Variants in TOP3A observed in about 807,000 individuals in gnomAD.
TOP3A encodes the protein DNA topoisomerase III alpha.
A neutral mutation model predicts 111.3 loss-of-function variants in TOP3A; 64 were observed. The observed-to-expected ratio is 0.57, with a 90% CI of 0.47 to 0.71. The LOEUF (loss-of-function observed/expected upper bound fraction) is 0.71, where lower values mean the gene tolerates loss of function less well. Among genes scored for constraint, TOP3A ranks in the 30% least tolerant of loss-of-function variants. TOP3A has a pLI of 0.00. For synonymous variants in TOP3A, 484 were observed against 485.1 expected, an observed-to-expected ratio of 1.00 and a Z score of 0.03; for missense variants, 1,104 against 1,285.0, an observed-to-expected ratio of 0.86 and a Z score of 2.15.
intron 11 of TOP3A, 77 bp from the exon 12 acceptor site, chr17:18,291,104 G>C: frequency 6.8e-7 from 1 of 1,470,260 alleles, no homozygotes; most frequent in Admixed American, 1.9e-5. Context: ...GGTAGCCTTA[G>C]CCTAATGTCC....
chr17:18,307,775 TG>T (rs1359926539), intron 3 of TOP3A, among the ~76,000 whole-genome samples: 1 of 151,266 alleles, frequency 6.6e-6, no homozygotes, highest in African/African-American at 2.4e-5. Flanking sequence ...CTGGGTGTAG[TG>T]GCACATGGCT....
rs1253662848 is a variant in TOP3A, at chr17:18,272,546, A to G, written c.*2256T>C. Among the ~76,000 whole-genome samples the G allele has an allele frequency of 2.0e-5, 3 of 152,260 alleles. 1 individual carries two copies. Among genetic ancestry groups the G allele is most frequent in the South Asian group, 4.1e-4 (2 of 4,832 alleles). On this transcript the variant is annotated 3_prime_UTR_variant, in exon 19 of 19. Coordinates refer to ENST00000321105, the MANE Select transcript of TOP3A (RefSeq NM_004618.5). ...CCAATGTCCATCAACTGACAAATGG[A>G]TAATCGTGTGGTATATTCATACAGT...
chr17:18,273,611 A>G lies in TOP3A; in HGVS notation c.*1191T>C, dbSNP rs757425452. Among the ~76,000 whole-genome samples, 3 of 152,112 alleles carry G rather than the reference A, an allele frequency of 2.0e-5. No individual in the cohort carries two copies. The highest frequency in any genetic ancestry group is 4.4e-5 in the Non-Finnish European group (3 of 68,026). On this transcript the variant is annotated 3_prime_UTR_variant, in exon 19 of 19. Transcript: ENST00000321105. The stretch of plus-strand genomic sequence containing the variant: ...CCTCTGCACTCTCGCAGGTCAGAGT[A>G]AAAAAAGGTTGGATTCTTTCATTTT...
chr17:18,290,310 C>T (rs1259597219), intron 13 of TOP3A, among the ~76,000 whole-genome samples: 1 of 152,218 alleles, frequency 6.6e-6, no homozygotes, highest in Non-Finnish European at 1.5e-5. Flanking sequence ...GTCTCTGTTA[C>T]TATGTGGACA....
At chr17:18,308,266 A>C in intron 3 of TOP3A, 85 bp downstream of exon 3, 16 of 534,728 alleles carry the variant, frequency 3.0e-5, no homozygotes, top group East Asian at 4.1e-5. Context: ...AAAATTACCC[A>C]GTAAGATCAA....
In TOP3A at chr17:18,302,692, T is replaced by G; in HGVS notation, c.531A>C (p.Arg177=). The part of the protein sequence containing the change: ...VKPNLQVLRA[R]FSEITPHAVR... ...CGGCATGGGGTGTGATCTCAGAGAA[T>G]CGGGCTCGCAACACCTGCAGATTGG... The change falls in exon 6 of 19, where the codon CGA becomes CGC. Residue 177 remains arginine (R), a synonymous_variant. Coordinates refer to ENST00000321105, the MANE Select transcript of TOP3A (RefSeq NM_004618.5). The G allele has an allele frequency of 6.2e-7, 1 of 1,614,030 alleles. No individual in the cohort carries two copies. The highest frequency in any genetic ancestry group is 8.5e-7 in the Non-Finnish European group (1 of 1,179,962).
chr17:18,299,695 A>G, intron 8 of TOP3A, 62 bp from the exon 9 acceptor site: 2 of 1,472,854 alleles, frequency 1.4e-6, no homozygotes, highest in South Asian at 2.3e-5. Context: ...CATCCTTCCT[A>G]TGGATAGCCC....
chr17:18,274,949 G>T lies in TOP3A; in HGVS notation c.2859C>A (p.Asp953Glu). Residue 953 changes from aspartate (D) to glutamate (E), a missense_variant, in exon 19 of 19, where the codon GAC (aspartate) becomes GAA (glutamate). Coordinates refer to ENST00000321105, the MANE Select transcript of TOP3A (RefSeq NM_004618.5). ...CTTCCGACTCCAGGGTTCTTCCTCT[G>T]TCTCCTGTCCAGGACGGGGCTCCAG... is the stretch of plus-strand genomic sequence containing the variant. ...GTSGAPSWTG[D>E]RGRTLESEAR... 2.5e-6 allele frequency: 4 copies of T among 1,614,098 alleles called. No individual in the cohort carries two copies. The highest frequency in any genetic ancestry group is 3.4e-6 in the Non-Finnish European group (4 of 1,180,014).
chr17:18,298,430 G>C (rs1309512122), intron 9 of TOP3A, among the ~76,000 whole-genome samples: 5 of 142,212 alleles, frequency 3.5e-5, no homozygotes, highest in South Asian at 2.2e-4. Flanking sequence ...GGAGGGAGGT[G>C]GGGGGGTCAG....
At chr17:18,309,082 T>A in intron 1 of TOP3A, 141 bp from the exon 2 acceptor site, 2 of 477,822 alleles carry the variant, frequency 4.2e-6, no homozygotes, top group Non-Finnish European at 7.3e-6. Flanking sequence ...CCAAAGAAGA[T>A]AAGAAATGGC....
intron 16 of TOP3A, 32 bp from the exon 17 acceptor site, chr17:18,280,690 A>G (rs935190199): frequency 1.2e-6 from 2 of 1,610,558 alleles, no homozygotes; most frequent in Admixed American, 1.7e-5. Flanking sequence ...AGATGATAGG[A>G]GTGCAGGAGA....
chr17:18,288,419 G>A (rs981951473), intron 13 of TOP3A, among the ~76,000 whole-genome samples: 4 of 151,906 alleles, frequency 2.6e-5, no homozygotes, highest in African/African-American at 9.7e-5. Flanking sequence ...TGGGATTATA[G>A]GTGTGAGACA....
chr17:18,309,300 G>T (rs8076336), intron 1 of TOP3A, among the ~76,000 whole-genome samples: 75,639 of 152,050 alleles, frequency 0.5, 20,247 homozygotes, highest in African/African-American at 0.7. Flanking sequence ...TCTGGAAAAT[G>T]TTGGTGTTTC....
Position 18,273,923 on chromosome 17 carries a change from G to A in TOP3A, c.*879C>T, listed in dbSNP as rs935008417. ...CAGGTGTGAGCCTCCACGCCCTGCC[G>A]GGGTTGGATTCTTTTTATTTTTTTA... On this transcript the variant is annotated 3_prime_UTR_variant, in exon 19 of 19. Transcript: ENST00000321105. The A allele has an allele frequency of 1.3e-5, 2 of 151,924 alleles. No individual in the cohort carries two copies. The highest frequency in any genetic ancestry group is 2.9e-5 in the Non-Finnish European group (2 of 67,982). 9.4% of individuals were successfully genotyped at this position (151,924 alleles called of 1,614,324 possible). A position where few individuals can be genotyped will look rare whatever the true frequency, so the allele number is the denominator to read the frequency against.
chr17:18,301,213 T>C (rs936674887), intron 8 of TOP3A, among the ~76,000 whole-genome samples: 1 of 152,098 alleles, frequency 6.6e-6, no homozygotes, highest in Non-Finnish European at 1.5e-5. Context: ...TATGTGCTAA[T>C]AGGAAGTGGC....
In TOP3A at chr17:18,277,533, G is replaced by GGAAA. The variant is rs1028276772; in HGVS notation, c.2827+138_2827+141dup. On this transcript the variant is annotated intron_variant, in intron 18 of 18. Coordinates refer to ENST00000321105, the MANE Select transcript of TOP3A (RefSeq NM_004618.5). ...CACCTTGCTGAAAGTGATCAAGTGA[G>GGAAA]GAAAAGTGAGGTGCAAGGCAGCCCA... 32 of 836,976 alleles carry GGAAA rather than the reference G, an allele frequency of 3.8e-5. No individual in the cohort carries two copies. In the African/African-American group the frequency reaches 5.1e-4, roughly 13 times the overall value. 51.8% of individuals were successfully genotyped at this position (836,976 alleles called of 1,614,324 possible). A position where few individuals can be genotyped will look rare whatever the true frequency, so the allele number is the denominator to read the frequency against.
At chr17:18,294,079 T>C (rs1338563483) in intron 10 of TOP3A, among the ~76,000 whole-genome samples, 1 of 152,180 alleles carries the variant, frequency 6.6e-6, no homozygotes, top group Non-Finnish European at 1.5e-5. Flanking sequence ...GGGGTGTATA[T>C]GACTGGGGCG....
At chr17:18,313,898 T>C (rs967133026) in intron 1 of TOP3A, among the ~76,000 whole-genome samples, 8 of 152,242 alleles carry the variant, frequency 5.3e-5, no homozygotes, top group African/African-American at 1.9e-4. Context: ...CTACTTTTGT[T>C]ATCTGAGATA....
rs1979468926 is a variant in TOP3A, at chr17:18,277,739, T to C, written c.2763A>G (p.Thr921=). The C allele has an allele frequency of 5.6e-6, 9 of 1,614,066 alleles. No homozygotes were observed. Among genetic ancestry groups the C allele is most frequent in the South Asian group, 2.2e-5 (2 of 91,090 alleles). The change falls in exon 18 of 19, where the codon ACA becomes ACG. Residue 921 remains threonine, a synonymous_variant. Transcript: ENST00000321105. The part of the protein sequence containing the change: ...DGPNKGRQFH[T]CAKPREQQCG... The stretch of plus-strand genomic sequence containing the variant: ...ACTGCTGCTCTCTCGGCTTGGCACA[T>C]GTGTGGAACTGGCGCCCCTTGTTGG...
Sources: allele counts gnomAD v4.1 joint callset (sites outside exome capture counted in the v4.1 genomes callset), GRCh38; gene constraint gnomAD v4.1.1; transcripts MANE v1.5; gene names NCBI Gene and HGNC (gene_info 2026-07-23, HGNC 2026-07-21).